Variants in DDX10 observed in about 807,000 individuals in gnomAD.
DDX10 encodes the protein probable ATP-dependent RNA helicase DDX10.
Under a neutral mutation model 104.3 loss-of-function variants are expected in DDX10, and 74 were observed. That is an observed-to-expected ratio of 0.71 (90% CI 0.59 to 0.86). The LOEUF (loss-of-function observed/expected upper bound fraction) is 0.86. Among genes scored for constraint, DDX10 ranks in the 40% least tolerant of loss-of-function variants. The pLI is 0.00. For synonymous variants in DDX10, 351 were observed against 353.4 expected (o/e 0.99, Z 0.08); for missense variants, 952 against 1,040.0 (o/e 0.92, Z 1.16).
At chr11:108,895,481 A>T (rs1863428860) in intron 16 of DDX10, among the ~76,000 whole-genome samples, 1 of 151,986 alleles carries the variant, frequency 6.6e-6, no homozygotes, top group African/African-American at 2.4e-5. Flanking sequence ...ACTAGATCCC[A>T]ATTTAGTTTT....
intron 13 of DDX10, among the ~76,000 whole-genome samples, chr11:108,746,934 G>GATAA (rs1454324870): frequency 6.6e-6 from 1 of 152,136 alleles, no homozygotes; most frequent in Non-Finnish European, 1.5e-5. Flanking sequence ...GGGCTATGAG[G>GATAA]ATAAGACTTG....
chr11:108,858,311 C>A (rs1862898040), intron 16 of DDX10, among the ~76,000 whole-genome samples: 1 of 152,144 alleles, frequency 6.6e-6, no homozygotes, highest in African/African-American at 2.4e-5. Context: ...GTGATTGTCT[C>A]TCATCACTAG....
At chr11:108,735,390 A>C (rs952315479) in intron 13 of DDX10, among the ~76,000 whole-genome samples, 1 of 152,146 alleles carries the variant, frequency 6.6e-6, no homozygotes, top group Non-Finnish European at 1.5e-5. Flanking sequence ...CAAAAAATGA[A>C]TATGTGTGCT....
Position 108,706,073 on chromosome 11 carries a change from G to C in DDX10, c.1224-666G>C, listed in dbSNP as rs537921283. 2.6e-5 allele frequency among the ~76,000 whole-genome samples: 4 copies of C among 152,152 alleles called. No homozygotes were observed. The South Asian group carries it at 8.3e-4, about 32-fold the overall frequency. ...TGCAACCTCCATCTCCTGGGTTGAAGCAATTCTCCTACCTCAGCCTCCCTA... is the reference window on the plus strand; with the variant it reads ...TGCAACCTCCATCTCCTGGGTTGAACCAATTCTCCTACCTCAGCCTCCCTA... On this transcript the variant is annotated intron_variant, in intron 9 of 17. Coordinates refer to ENST00000322536, the MANE Select transcript of DDX10 (RefSeq NM_004398.4).
In DDX10 at chr11:108,720,814, A is replaced by G. The variant is rs757279241; in HGVS notation, c.1499+929A>G. 5.0e-4 allele frequency among the ~76,000 whole-genome samples: 76 copies of G among 151,496 alleles called. 1 individual carries two copies. The highest frequency in any genetic ancestry group is 1.6e-4 in the Non-Finnish European group (11 of 67,984). Reference sequence around the variant, plus strand: ...CGCCATGTTGCCCAGGCTGGTTTCAAACTCCTGGGCTCAAGTGATCCCCCC... The same window carrying G: ...CGCCATGTTGCCCAGGCTGGTTTCAGACTCCTGGGCTCAAGTGATCCCCCC... On this transcript the variant is annotated intron_variant, in intron 12 of 17. Coordinates refer to ENST00000322536, the MANE Select transcript of DDX10 (RefSeq NM_004398.4).
chr11:108,670,296 G>A (rs530905492), intron 1 of DDX10, among the ~76,000 whole-genome samples: 12 of 152,208 alleles, frequency 7.9e-5, no homozygotes, highest in African/African-American at 2.6e-4. Flanking sequence ...GCACAGGAGG[G>A]GGAATGTCCG....
intron 3 of DDX10, among the ~76,000 whole-genome samples, chr11:108,676,639 G>T (rs1268528534): frequency 2.6e-5 from 4 of 152,074 alleles, no homozygotes; most frequent in Non-Finnish European, 4.4e-5. Context: ...TAAATACGGG[G>T]TTTCATCATA....
At chr11:108,812,839 G>A (rs1164502320) in intron 13 of DDX10, among the ~76,000 whole-genome samples, 1 of 151,708 alleles carries the variant, frequency 6.6e-6, no homozygotes, top group Non-Finnish European at 1.5e-5. Flanking sequence ...AGAATTAGCC[G>A]GGCATGGTGG....
chr11:108,841,283 C>T lies in DDX10; in HGVS notation c.2086-32C>T, dbSNP rs1240722750. The stretch of plus-strand genomic sequence containing the variant: ...TGTCTTTCTGGGGTATTCCCTACTT[C>T]CTGTTGACACTGACCTTTTTTTTAC... On this transcript the variant is annotated intron_variant, in intron 14 of 17. Coordinates refer to ENST00000322536, the MANE Select transcript of DDX10 (RefSeq NM_004398.4). The T allele has an allele frequency of 2.5e-6, 4 of 1,599,432 alleles. No individual in the cohort carries two copies. The African/African-American group carries it at 5.4e-5, about 22-fold the overall frequency.
At chr11:108,926,898 C>G (rs889032811) in intron 17 of DDX10, among the ~76,000 whole-genome samples, 7 of 152,138 alleles carry the variant, frequency 4.6e-5, no homozygotes, top group African/African-American at 1.7e-4. Context: ...GGAAAAAATC[C>G]AAGCTACATT....
chr11:108,868,170 A>G (rs1863032042), intron 16 of DDX10: 2 of 152,308 alleles, frequency 1.3e-5, no homozygotes, highest in South Asian at 4.1e-4. Flanking sequence ...GCCTCATGTC[A>G]TTTAATACCT....
intron 16 of DDX10, among the ~76,000 whole-genome samples, chr11:108,861,142 G>A (rs953920169): frequency 1.3e-5 from 2 of 151,128 alleles, no homozygotes; most frequent in South Asian, 2.1e-4. Flanking sequence ...AGCTGCCAGC[G>A]AATATAAAGC....
chr11:108,757,820 T>C (rs2094346254), intron 13 of DDX10, among the ~76,000 whole-genome samples: 1 of 152,086 alleles, frequency 6.6e-6, no homozygotes, highest in Non-Finnish European at 1.5e-5. Context: ...TCTCAGCTAG[T>C]TACTGCTTGC....
At chr11:108,716,375 G>C (rs2094291469) in intron 11 of DDX10, among the ~76,000 whole-genome samples, 1 of 152,072 alleles carries the variant, frequency 6.6e-6, no homozygotes, top group African/African-American at 2.4e-5. Flanking sequence ...GGGATTACAG[G>C]CGTGAGCCAC....
chr11:108,723,462 G>A lies in DDX10; in HGVS notation c.1965G>A (p.Gln655=), dbSNP rs1190230272. 6.2e-7 allele frequency: 1 copy of A among 1,608,356 alleles called. No homozygotes were observed. The highest frequency in any genetic ancestry group is 8.5e-7 in the Non-Finnish European group (1 of 1,177,512). The change falls in exon 13 of 18, where the codon CAG becomes CAA. Residue 655 remains glutamine, a splice_region_variant and synonymous_variant. Transcript: ENST00000322536. ...GLDLKDEKTL[Q]KKEPSKSSIK... is the part of the protein sequence containing the mutation. Reference sequence around the variant, plus strand: ...ACCTTAAAGACGAGAAAACATTACAGGTAAGTTTACTCCCAGTGGAGGGTC... The same window carrying A: ...ACCTTAAAGACGAGAAAACATTACAAGTAAGTTTACTCCCAGTGGAGGGTC...
At chr11:108,861,836 A>G (rs1862945185) in intron 16 of DDX10, among the ~76,000 whole-genome samples, 1 of 152,224 alleles carries the variant, frequency 6.6e-6, no homozygotes, top group African/African-American at 2.4e-5. Flanking sequence ...AGCCTGGGCA[A>G]CATGGTTAAA....
At chr11:108,923,032 ATATAT>A in intron 17 of DDX10, among the ~76,000 whole-genome samples, 1 of 152,130 alleles carries the variant, frequency 6.6e-6, no homozygotes, top group Non-Finnish European at 1.5e-5. Context: ...TATCCATCTT[ATATAT>A]TGGTATAGGC....
rs1297665436 is a variant in DDX10, at chr11:108,866,676, A to T, written c.2304+14467A>T. On this transcript the variant is annotated intron_variant, in intron 16 of 17. Coordinates refer to ENST00000322536, the MANE Select transcript of DDX10 (RefSeq NM_004398.4). Reference sequence around the variant, plus strand: ...TAGAGGACAATTTTTAATAGCTGCCAGTATTGAACTATTGCATACCATATA... The same window carrying T: ...TAGAGGACAATTTTTAATAGCTGCCTGTATTGAACTATTGCATACCATATA... Among the ~76,000 whole-genome samples, 5 of 152,330 alleles carry T rather than the reference A, an allele frequency of 3.3e-5. No homozygotes were observed. In the East Asian group the frequency reaches 9.7e-4, roughly 29 times the overall value.
At chr11:108,860,912 G>A (rs1862932942) in intron 16 of DDX10, 1 of 152,112 alleles carries the variant, frequency 6.6e-6, no homozygotes, top group Non-Finnish European at 1.5e-5. Flanking sequence ...AAAAAAGCCA[G>A]TGGGAAAAGG....
Sources: gnomAD v4.1 joint callset for allele counts (sites outside exome capture counted in the v4.1 genomes callset) on GRCh38, gnomAD v4.1.1 for gene constraint, MANE v1.5 for transcripts, NCBI Gene and HGNC (gene_info 2026-07-23, HGNC 2026-07-21) for gene names.